The following NEK11 variants were observed in gnomAD, a reference collection of about 807,000 sequenced individuals.
The protein encoded by NEK11 is serine/threonine-protein kinase Nek11.
Under a neutral mutation model 80.7 loss-of-function variants are expected in NEK11, and 72 were observed. That is an observed-to-expected ratio of 0.89 (90% CI 0.74 to 1.08). NEK11 has a LOEUF of 1.08. Ranked by LOEUF, NEK11 falls within the 50% of genes least tolerant of loss-of-function variation. The pLI, the probability that NEK11 is intolerant of heterozygous loss-of-function variation, is 0.00. For missense variants in NEK11, 764 were observed against 763.6 expected, an observed-to-expected ratio of 1.00 and a Z score of -0.01; for synonymous variants, 251 against 260.7, an observed-to-expected ratio of 0.96 and a Z score of 0.36.
At chr3:131,292,426 A>C (rs2096553460) in intron 17 of NEK11, among the ~76,000 whole-genome samples, 1 of 152,084 alleles carries the variant, frequency 6.6e-6, no homozygotes, top group South Asian at 2.1e-4. Flanking sequence ...AAACTTTGGA[A>C]TCTGTTTGTC....
chr3:131,165,865 T>A (rs1158617315), intron 12 of NEK11, among the ~76,000 whole-genome samples: 3 of 152,276 alleles, frequency 2.0e-5, no homozygotes, highest in African/African-American at 7.2e-5. Flanking sequence ...ATTGTTGCTT[T>A]ACCTCTTTAG....
At chr3:131,332,036 G>A (rs1582146668) in intron 17 of NEK11, among the ~76,000 whole-genome samples, 3 of 152,242 alleles carry the variant, frequency 2.0e-5, no homozygotes, top group African/African-American at 7.2e-5. Flanking sequence ...TCTGGGGGCA[G>A]GGCACAGACA....
intron 17 of NEK11, among the ~76,000 whole-genome samples, chr3:131,298,062 T>A (rs1035936339): frequency 1.6e-4 from 24 of 152,376 alleles, no homozygotes; most frequent in Non-Finnish European, 3.1e-4. Context: ...TCTTGGTTAC[T>A]GTAGCCTTGT....
intron 2 of NEK11, among the ~76,000 whole-genome samples, chr3:131,029,068 A>G (rs1035474254): frequency 2.8e-4 from 42 of 152,350 alleles, no homozygotes; most frequent in Non-Finnish European, 2.9e-5. Flanking sequence ...AAAAATTCTC[A>G]ATCCTTATCC....
chr3:131,095,206 A>G (rs1256673778), intron 4 of NEK11, among the ~76,000 whole-genome samples: 2 of 152,112 alleles, frequency 1.3e-5, no homozygotes, highest in Non-Finnish European at 2.9e-5. Context: ...TTAGCAACCA[A>G]TTAATTGGTG....
At chr3:131,280,600 GGTTTGA>G (rs2096381013) in intron 17 of NEK11, among the ~76,000 whole-genome samples, 1 of 152,046 alleles carries the variant, frequency 6.6e-6, no homozygotes, top group Admixed American at 6.6e-5. Context: ...CTAGAAGTTT[GGTTTGA>G]GTCTTTTTGT....
At chr3:131,340,611 T>A (rs2097269495) in intron 17 of NEK11, among the ~76,000 whole-genome samples, 1 of 152,150 alleles carries the variant, frequency 6.6e-6, no homozygotes, top group African/African-American at 2.4e-5. Context: ...TAGTTTTTCA[T>A]CAGCAAGGGA....
At chr3:131,072,408 C>G (rs2073545538) in intron 3 of NEK11, 1 of 152,106 alleles carries the variant, frequency 6.6e-6, no homozygotes, top group Admixed American at 6.6e-5. Flanking sequence ...TATGATTCAC[C>G]ACAGGAACTA....
At chr3:131,073,496 TATTA>T (rs748407396) in intron 3 of NEK11, among the ~76,000 whole-genome samples, 23 of 152,186 alleles carry the variant, frequency 1.5e-4, no homozygotes, top group Admixed American at 6.5e-4. Flanking sequence ...TTAGCTGTAT[TATTA>T]ATTATTTGCC....
At chr3:131,180,600 G>A (rs2093291291) in intron 14 of NEK11, among the ~76,000 whole-genome samples, 2 of 152,086 alleles carry the variant, frequency 1.3e-5, no homozygotes, top group South Asian at 4.2e-4. Context: ...TTGTTACCTA[G>A]GTCAGCAGGC....
At chr3:131,081,109 C>G (rs2075199341) in intron 4 of NEK11, among the ~76,000 whole-genome samples, 1 of 152,034 alleles carries the variant, frequency 6.6e-6, no homozygotes, top group Non-Finnish European at 1.5e-5. Flanking sequence ...GACCCTATCT[C>G]TAAGAAAAAC....
chr3:131,319,899 T>C (rs1160659965), intron 17 of NEK11, among the ~76,000 whole-genome samples: 1 of 152,036 alleles, frequency 6.6e-6, no homozygotes, highest in African/African-American at 2.4e-5. Context: ...AAATAAACAA[T>C]GCAGCCTCCA....
At chr3:131,195,181 G>A (rs1412259795) in intron 14 of NEK11, among the ~76,000 whole-genome samples, 3 of 152,106 alleles carry the variant, frequency 2.0e-5, no homozygotes, top group African/African-American at 7.2e-5. Context: ...TTAGCTTTCT[G>A]TTGTGTGTAG....
chr3:131,091,417 G>C (rs1021739097), intron 4 of NEK11, among the ~76,000 whole-genome samples: 1 of 152,048 alleles, frequency 6.6e-6, no homozygotes, highest in Non-Finnish European at 1.5e-5. Flanking sequence ...ATCAATGCAG[G>C]AAACAGACAT....
chr3:131,173,946 G>T (rs1183321476), intron 14 of NEK11, among the ~76,000 whole-genome samples: 1 of 152,098 alleles, frequency 6.6e-6, no homozygotes, highest in Non-Finnish European at 1.5e-5. Flanking sequence ...TAAACTATCA[G>T]ATTAGAAAAA....
chr3:131,176,225 C>T (rs570236447), intron 14 of NEK11, among the ~76,000 whole-genome samples: 2 of 152,306 alleles, frequency 1.3e-5, no homozygotes, highest in African/African-American at 4.8e-5. Flanking sequence ...GCTCAGACTC[C>T]AATGCCCAGC....
At chr3:131,185,835 A>G (rs926218056) in intron 14 of NEK11, among the ~76,000 whole-genome samples, 1 of 152,234 alleles carries the variant, frequency 6.6e-6, no homozygotes. Flanking sequence ...AAAATCCACT[A>G]AACTGATGGC....
At chr3:131,037,220 A>G (rs1377693271) in intron 3 of NEK11, among the ~76,000 whole-genome samples, 5 of 48,860 alleles carry the variant, frequency 1.0e-4, no homozygotes, top group South Asian at 8.5e-4. Context: ...GTGTCATTCA[A>G]TGGAAGCATT....
intron 17 of NEK11, among the ~76,000 whole-genome samples, chr3:131,344,417 A>T (rs1329593241): frequency 6.6e-6 from 1 of 152,186 alleles, no homozygotes; most frequent in African/African-American, 2.4e-5. Context: ...CCAGTCTCTA[A>T]GAAGTTCTAA....
Sources: gnomAD v4.1 joint callset for allele counts (sites outside exome capture counted in the v4.1 genomes callset) on GRCh38, gnomAD v4.1.1 for gene constraint, MANE v1.5 for transcripts, NCBI Gene and HGNC (gene_info 2026-07-23, HGNC 2026-07-21) for gene names.